NRP1: variants seen among roughly 807,000 people sequenced by gnomAD.
The protein encoded by NRP1 is neuropilin 1, also known as neuropilin-1.
In NRP1, 35 loss-of-function variants were observed where a neutral mutation model predicts 106.7. The ratio of observed to expected loss-of-function variants is 0.33; its 90% CI spans 0.25 to 0.43. The LOEUF (loss-of-function observed/expected upper bound fraction) is 0.43, where lower values mean the gene tolerates loss of function less well. Ranked by LOEUF, NRP1 falls within the 20% of genes least tolerant of loss-of-function variation. The probability of loss-of-function intolerance (pLI) is 1.00; values close to 1 mark genes in which losing one functional copy is unlikely to be tolerated. For missense variants in NRP1, 1,024 were observed against 1,170.4 expected, an observed-to-expected ratio of 0.87 and a Z score of 1.83; for synonymous variants, 437 against 417.9, an observed-to-expected ratio of 1.05 and a Z score of -0.56.
At position 33,270,709 on chromosome 10, in the gene NRP1, T is replaced by C. The variant is rs1564442460; in HGVS notation, c.396A>G (p.Ala132=). The change falls in exon 3 of 17, where the codon GCA becomes GCG. Residue 132 remains alanine (A), a synonymous_variant. Transcript: ENST00000374867. ...KFVSDYETHG[A]GFSIRYEIFK... ...AAATTTCATAACGTATGGAAAATCCTGCACCATGTGTTTCGTAGTCAGAGA... is the reference window on the plus strand; with the variant it reads ...AAATTTCATAACGTATGGAAAATCCCGCACCATGTGTTTCGTAGTCAGAGA... 2 of 1,613,878 alleles carry C rather than the reference T, an allele frequency of 1.2e-6. No homozygotes were observed. The highest frequency in any genetic ancestry group is 1.3e-5 in the African/African-American group (1 of 75,050).
intron 10 of NRP1, among the ~76,000 whole-genome samples, chr10:33,206,695 G>A (rs1837812815): frequency 6.6e-6 from 1 of 152,146 alleles, no homozygotes; most frequent in Non-Finnish European, 1.5e-5. Context: ...AAGCTAGGCT[G>A]GAGCAAGACC....
At chr10:33,290,402 C>T (rs1278015826) in intron 2 of NRP1, among the ~76,000 whole-genome samples, 3 of 149,898 alleles carry the variant, frequency 2.0e-5, no homozygotes, top group African/African-American at 7.4e-5. Context: ...GAGGGGATGA[C>T]CGACCCTGGT....
chr10:33,243,195 C>T (rs1043584106), intron 6 of NRP1, among the ~76,000 whole-genome samples: 4 of 151,912 alleles, frequency 2.6e-5, no homozygotes, highest in East Asian at 1.9e-4. Context: ...AGAAGCTTCC[C>T]GATGAAGCCA....
chr10:33,231,652 T>C (rs1840140781), intron 6 of NRP1, among the ~76,000 whole-genome samples: 1 of 152,274 alleles, frequency 6.6e-6, no homozygotes, highest in Admixed American at 6.5e-5. Context: ...CTATATTAAG[T>C]TGTTAGGATA....
chr10:33,183,401 A>G (rs1392112931), intron 15 of NRP1, among the ~76,000 whole-genome samples: 1 of 152,118 alleles, frequency 6.6e-6, no homozygotes, highest in Non-Finnish European at 1.5e-5. Flanking sequence ...GTGGAAAAAA[A>G]TCTGGTGAAT....
At chr10:33,184,172 G>A (rs996804975) in intron 15 of NRP1, among the ~76,000 whole-genome samples, 24 of 151,978 alleles carry the variant, frequency 1.6e-4, no homozygotes, top group African/African-American at 4.8e-4. Context: ...GTGCCACCAC[G>A]CCCAGCTAAT....
At chr10:33,314,323 C>T (rs1846856127) in intron 2 of NRP1, among the ~76,000 whole-genome samples, 1 of 152,194 alleles carries the variant, frequency 6.6e-6, no homozygotes, top group South Asian at 2.1e-4. Context: ...ACGCCATCCT[C>T]CCATCTTGGT....
intron 15 of NRP1, among the ~76,000 whole-genome samples, chr10:33,183,628 A>G (rs532544952): frequency 6.6e-6 from 1 of 152,376 alleles, no homozygotes; most frequent in African/African-American, 2.4e-5. Context: ...CTAAGTACAG[A>G]GCAGGAATTT....
At chr10:33,281,171 T>C (rs1261149838) in intron 2 of NRP1, among the ~76,000 whole-genome samples, 1 of 151,826 alleles carries the variant, frequency 6.6e-6, no homozygotes, top group Non-Finnish European at 1.5e-5. Flanking sequence ...TGCCTCAGCC[T>C]CCCAAGTAGC....
At chr10:33,236,167 A>C (rs1840538120) in intron 6 of NRP1, among the ~76,000 whole-genome samples, 1 of 152,256 alleles carries the variant, frequency 6.6e-6, no homozygotes, top group Non-Finnish European at 1.5e-5. Context: ...ACCAAATGTA[A>C]TCCCTAGGAA....
At chr10:33,266,832 A>G (rs1285023406) in intron 3 of NRP1, among the ~76,000 whole-genome samples, 1 of 152,194 alleles carries the variant, frequency 6.6e-6, no homozygotes, top group East Asian at 1.9e-4. Flanking sequence ...AAAAACGTGT[A>G]CCATCCTGGC....
intron 16 of NRP1, among the ~76,000 whole-genome samples, chr10:33,180,625 A>C (rs1835627179): frequency 6.6e-6 from 1 of 152,188 alleles, no homozygotes; most frequent in Non-Finnish European, 1.5e-5. Context: ...CTCAGATTTC[A>C]TGCAGCCCCA....
chr10:33,237,799 G>A (rs1020543751), intron 6 of NRP1, among the ~76,000 whole-genome samples: 1 of 151,818 alleles, frequency 6.6e-6, no homozygotes, highest in African/African-American at 2.4e-5. Flanking sequence ...CAAGTGATCT[G>A]CCCACCTTGG....
At chr10:33,321,891 A>C (rs1847537194) in intron 2 of NRP1, among the ~76,000 whole-genome samples, 1 of 152,206 alleles carries the variant, frequency 6.6e-6, no homozygotes, top group Non-Finnish European at 1.5e-5. Context: ...CATCACCTCC[A>C]ACCTGGCTGG....
chr10:33,270,284 TC>T (rs1843210522), intron 3 of NRP1, among the ~76,000 whole-genome samples: 2 of 152,320 alleles, frequency 1.3e-5, no homozygotes, highest in South Asian at 4.1e-4. Flanking sequence ...ACTTCTGACT[TC>T]CTTTTCACTT....
chr10:33,273,777 C>T (rs148898928), intron 2 of NRP1, among the ~76,000 whole-genome samples: 164 of 152,170 alleles, frequency 1.1e-3, no homozygotes, highest in Non-Finnish European at 2.0e-3. Flanking sequence ...GAGAGTTGAC[C>T]CCTCTGTCTG....
At chr10:33,294,757 C>T (rs1240605064) in intron 2 of NRP1, among the ~76,000 whole-genome samples, 6 of 152,076 alleles carry the variant, frequency 3.9e-5, no homozygotes, top group African/African-American at 1.2e-4. Context: ...GTTCACCAGG[C>T]GTAAGGGAAC....
chr10:33,286,927 T>C (rs944267718), intron 2 of NRP1, among the ~76,000 whole-genome samples: 4 of 152,214 alleles, frequency 2.6e-5, no homozygotes, highest in Non-Finnish European at 5.9e-5. Context: ...GAGACCTTTC[T>C]TAATGACTGA....
intron 2 of NRP1, among the ~76,000 whole-genome samples, chr10:33,306,358 G>A (rs890601776): frequency 3.9e-5 from 5 of 129,338 alleles, no homozygotes; most frequent in Non-Finnish European, 6.8e-5. Context: ...TCAGAAGGGT[G>A]TGTGTGTGTG....
Sources: gnomAD v4.1 joint callset for allele counts (sites outside exome capture counted in the v4.1 genomes callset) on GRCh38, gnomAD v4.1.1 for gene constraint, MANE v1.5 for transcripts, NCBI Gene and HGNC (gene_info 2026-07-23, HGNC 2026-07-21) for gene names.